NEDD4L: variants seen among roughly 807,000 people sequenced by gnomAD.
The protein encoded by NEDD4L is E3 ubiquitin-protein ligase NEDD4-like.
In NEDD4L, 54 loss-of-function variants were observed where a neutral mutation model predicts 148.9. The ratio of observed to expected loss-of-function variants is 0.36; its 90% CI spans 0.29 to 0.45. The LOEUF (loss-of-function observed/expected upper bound fraction) is 0.45, where lower values mean the gene tolerates loss of function less well. Among genes scored for constraint, NEDD4L ranks in the 20% least tolerant of loss-of-function variants. The probability of loss-of-function intolerance (pLI) is 1.00; values close to 1 mark genes in which losing one functional copy is unlikely to be tolerated. For synonymous variants in NEDD4L, 433 were observed against 440.7 expected, an observed-to-expected ratio of 0.98 and a Z score of 0.22; for missense variants, 856 against 1,233.8, an observed-to-expected ratio of 0.69 and a Z score of 4.59.
At chr18:58,289,628 AGAG>A (rs1191623273) in intron 5 of NEDD4L, among the ~76,000 whole-genome samples, 1 of 152,208 alleles carries the variant, frequency 6.6e-6, no homozygotes, top group Non-Finnish European at 1.5e-5. Context: ...CAGTAGCTGC[AGAG>A]GGTGAGAGCA....
chr18:58,153,889 C>T (rs1387540385), intron 1 of NEDD4L, among the ~76,000 whole-genome samples: 2 of 152,206 alleles, frequency 1.3e-5, no homozygotes, highest in Non-Finnish European at 2.9e-5. Flanking sequence ...ACCTTGTGAT[C>T]TGCCCTACTT....
intron 20 of NEDD4L, among the ~76,000 whole-genome samples, chr18:58,365,335 A>G (rs1425383085): frequency 6.6e-6 from 1 of 151,674 alleles, no homozygotes; most frequent in Non-Finnish European, 1.5e-5. Context: ...TATGGCTCTC[A>G]CATAGCAGTG....
At chr18:58,286,541 A>G (rs1306400112) in intron 5 of NEDD4L, among the ~76,000 whole-genome samples, 2 of 152,192 alleles carry the variant, frequency 1.3e-5, no homozygotes, top group South Asian at 2.1e-4. Flanking sequence ...AATAAATTAT[A>G]TTATACTTAT....
At chr18:58,334,060 A>G in intron 12 of NEDD4L, 168 bp downstream of exon 12, 1 of 493,932 alleles carries the variant, frequency 2.0e-6, no homozygotes, top group Non-Finnish European at 3.6e-6. Context: ...TCCAATACAG[A>G]GAATTGTTAC....
intron 1 of NEDD4L, among the ~76,000 whole-genome samples, chr18:58,140,444 C>T (rs141882900): frequency 6.6e-6 from 1 of 152,122 alleles, no homozygotes; most frequent in Non-Finnish European, 1.5e-5. Flanking sequence ...CAGGTTGCTT[C>T]CTTCATAGTA....
At chr18:58,326,563 T>G (rs1246041151) in intron 9 of NEDD4L, among the ~76,000 whole-genome samples, 1 of 152,210 alleles carries the variant, frequency 6.6e-6, no homozygotes, top group Non-Finnish European at 1.5e-5. Flanking sequence ...TGGGCTTGGT[T>G]ACATGTAGTG....
chr18:58,049,792 C>T (rs1393824533), intron 1 of NEDD4L, among the ~76,000 whole-genome samples: 3 of 151,934 alleles, frequency 2.0e-5, no homozygotes, highest in Non-Finnish European at 2.9e-5. Context: ...GGCTGGGCAA[C>T]GTGGTGAAAC....
intron 2 of NEDD4L, among the ~76,000 whole-genome samples, chr18:58,244,221 A>G (rs1277039831): frequency 2.0e-5 from 3 of 152,258 alleles, no homozygotes; most frequent in South Asian, 2.1e-4. Flanking sequence ...CTGAAATTAC[A>G]TAAAGTTAAT....
chr18:58,075,126 G>A (rs1443153373), intron 1 of NEDD4L, among the ~76,000 whole-genome samples: 1 of 152,184 alleles, frequency 6.6e-6, no homozygotes, highest in Non-Finnish European at 1.5e-5. Context: ...TGGAGTTTTA[G>A]GACCAGAAAG....
intron 2 of NEDD4L, among the ~76,000 whole-genome samples, chr18:58,206,743 C>A (rs1386820224): frequency 6.6e-6 from 1 of 152,168 alleles, no homozygotes; most frequent in Non-Finnish European, 1.5e-5. Context: ...GAATTGCTGG[C>A]TGAGGTTGGA....
At chr18:58,355,970 C>G (rs111975262) in intron 18 of NEDD4L, among the ~76,000 whole-genome samples, 82 of 152,264 alleles carry the variant, frequency 5.4e-4, no homozygotes, top group African/African-American at 1.9e-3. Context: ...TGCACTCCCC[C>G]GCCCCGGTCC....
chr18:58,202,376 GT>G (rs1323706809), intron 2 of NEDD4L, among the ~76,000 whole-genome samples: 1 of 152,252 alleles, frequency 6.6e-6, no homozygotes, highest in Non-Finnish European at 1.5e-5. Flanking sequence ...TTGCCAAAGT[GT>G]GGTCCATGGG....
chr18:58,302,065 T>G (rs1417365088), intron 5 of NEDD4L, among the ~76,000 whole-genome samples: 1 of 152,218 alleles, frequency 6.6e-6, no homozygotes, highest in Non-Finnish European at 1.5e-5. Flanking sequence ...GTATCCCAGT[T>G]ACTTTGTAGA....
chr18:58,144,616 A>G (rs1025826014), intron 1 of NEDD4L, among the ~76,000 whole-genome samples: 5 of 152,188 alleles, frequency 3.3e-5, no homozygotes, highest in African/African-American at 1.2e-4. Flanking sequence ...CTGTATTTTA[A>G]AATACTAAAT....
intron 19 of NEDD4L, 149 bp downstream of exon 19, chr18:58,357,401 C>G (rs1035290591): frequency 5.1e-6 from 4 of 783,970 alleles, no homozygotes; most frequent in Non-Finnish European, 9.1e-6. Flanking sequence ...CATCTCCTTA[C>G]TGAAGTTTCC....
In NEDD4L at chr18:58,256,705, G is replaced by A. The variant is rs1600315475; in HGVS notation, c.297+4651G>A. 2 of 1,232,114 alleles carry A rather than the reference G, an allele frequency of 1.6e-6. No individual in the cohort carries two copies. Among genetic ancestry groups the A allele is most frequent in the East Asian group, 3.2e-5 (1 of 31,716 alleles). The allele number at this position is 1,232,114 out of a possible 1,614,324, so 76.3% of individuals were successfully genotyped here. Reference sequence around the variant, plus strand: ...TTAGAATTCTTGTAACCCGGGGGCCGGAAGAAGCTCCCCAGAATCCCGAGG... The same window carrying A: ...TTAGAATTCTTGTAACCCGGGGGCCAGAAGAAGCTCCCCAGAATCCCGAGG... On this transcript the variant is annotated intron_variant, in intron 5 of 30. Transcript: ENST00000400345. This position sits in a 1 kb window ranked among gnomAD's most constrained non-coding sequence, Gnocchi z 5.2.
At chr18:58,213,663 A>AT (rs1312469641) in intron 2 of NEDD4L, among the ~76,000 whole-genome samples, 1 of 151,816 alleles carries the variant, frequency 6.6e-6, no homozygotes, top group Non-Finnish European at 1.5e-5. Context: ...CCACATCCCC[A>AT]TTTTTTTCCT....
At chr18:58,356,977 T>C (rs2044752115) in intron 18 of NEDD4L, among the ~76,000 whole-genome samples, 1 of 152,198 alleles carries the variant, frequency 6.6e-6, no homozygotes, top group Admixed American at 6.5e-5. Flanking sequence ...TGTGCATTTT[T>C]GATTGAGTGT....
At chr18:58,117,361 A>C (rs1264926764) in intron 1 of NEDD4L, among the ~76,000 whole-genome samples, 3 of 152,346 alleles carry the variant, frequency 2.0e-5, no homozygotes, top group East Asian at 3.9e-4. Flanking sequence ...TGATTTGTGT[A>C]CACTTTTGAG....
Sources: allele counts gnomAD v4.1 joint callset (sites outside exome capture counted in the v4.1 genomes callset), GRCh38; gene constraint gnomAD v4.1.1; non-coding constraint Gnocchi (gnomAD v3.1); transcripts MANE v1.5; gene names NCBI Gene and HGNC (gene_info 2026-07-23, HGNC 2026-07-21).